LHFPL3: variants seen among roughly 807,000 people sequenced by gnomAD.
LHFPL3 encodes LHFPL tetraspan subfamily member 3 protein.
Under a neutral mutation model 19.3 loss-of-function variants are expected in LHFPL3, and 5 were observed. The ratio of observed to expected loss-of-function variants is 0.26; its 90% CI spans 0.14 to 0.54. The LOEUF is 0.54. Among genes scored for constraint, LHFPL3 ranks in the 20% least tolerant of loss-of-function variants. LHFPL3 has a pLI of 0.94. For missense variants in LHFPL3, 249 were observed against 307.4 expected (o/e 0.81, Z 1.42); for synonymous variants, 133 against 126.2 (o/e 1.05, Z -0.36).
At chr7:104,437,772 C>A (rs1214061619) in intron 1 of LHFPL3, among the ~76,000 whole-genome samples, 1 of 152,110 alleles carries the variant, frequency 6.6e-6, no homozygotes. Flanking sequence ...TGGGGGCCTG[C>A]CCTCAGCACC....
At chr7:104,566,114 G>A (rs1056446769) in intron 1 of LHFPL3, among the ~76,000 whole-genome samples, 5 of 152,084 alleles carry the variant, frequency 3.3e-5, no homozygotes, top group Admixed American at 1.3e-4. Flanking sequence ...TTGGGAGGTC[G>A]GGGTGGGAGG....
rs1794631222 is a variant in LHFPL3, at chr7:104,549,523, A to G, written c.446-187152A>G. On this transcript the variant is annotated intron_variant, in intron 1 of 2. Transcript: ENST00000424859. The stretch of plus-strand genomic sequence containing the variant: ...TACACTGCATTATAATTTGCTATGC[A>G]CTTCCTCTACCCAAATATGTGTTGG... Among the ~76,000 whole-genome samples, 4 of 151,282 alleles carry G rather than the reference A, an allele frequency of 2.6e-5. No homozygotes were observed. In the South Asian group the frequency reaches 6.3e-4, roughly 24 times the overall value.
chr7:104,616,978 G>A (rs1462595805), intron 1 of LHFPL3, among the ~76,000 whole-genome samples: 2 of 152,014 alleles, frequency 1.3e-5, no homozygotes, highest in Non-Finnish European at 2.9e-5. Context: ...TTAGAATGGC[G>A]ATCATTAAAA....
intron 1 of LHFPL3, among the ~76,000 whole-genome samples, chr7:104,500,574 C>G (rs1793581614): frequency 6.6e-6 from 1 of 152,182 alleles, no homozygotes; most frequent in Non-Finnish European, 1.5e-5. Context: ...CTCATCTCCT[C>G]TCTCCCAGTT....
At chr7:104,638,934 T>C (rs1378235914) in intron 1 of LHFPL3, among the ~76,000 whole-genome samples, 1 of 147,418 alleles carries the variant, frequency 6.8e-6, no homozygotes, top group Non-Finnish European at 1.5e-5. Flanking sequence ...CACCCAGCAT[T>C]TTTTTTTTTT....
intron 1 of LHFPL3, among the ~76,000 whole-genome samples, chr7:104,505,013 C>T (rs1045487873): frequency 2.7e-5 from 4 of 150,760 alleles, no homozygotes; most frequent in South Asian, 2.1e-4. Context: ...TATATACATG[C>T]ATATACTGTG....
rs1413829585 is a variant in LHFPL3, at chr7:104,440,051, T to C, written c.445+110827T>C. 4.2e-5 allele frequency among the ~76,000 whole-genome samples: 6 copies of C among 141,818 alleles called. No homozygotes were observed. In the East Asian group the frequency reaches 1.3e-3, roughly 30 times the overall value. The allele number at this position is 141,818 out of a possible 152,430, so 93.0% of individuals were successfully genotyped here. A position where few individuals can be genotyped will look rare whatever the true frequency, so the allele number is the denominator to read the frequency against. On this transcript the variant is annotated intron_variant, in intron 1 of 2. Transcript: ENST00000424859. The stretch of plus-strand genomic sequence containing the variant: ...TACAAAGCCTGGGGGGGGGGAGGGA[T>C]AGCATTAGGAGATATACCCAATGCT...
chr7:104,578,110 T>C (rs1370071023), intron 1 of LHFPL3, among the ~76,000 whole-genome samples: 1 of 152,198 alleles, frequency 6.6e-6, no homozygotes, highest in Non-Finnish European at 1.5e-5. Flanking sequence ...CTTATATTGG[T>C]TGTGTCCCAT....
chr7:104,882,311 G>A (rs2116685966), intron 2 of LHFPL3, among the ~76,000 whole-genome samples: 1 of 152,212 alleles, frequency 6.6e-6, no homozygotes, highest in Middle Eastern at 3.4e-3. Flanking sequence ...GCAGTGGCAT[G>A]ATCTCAGCTC....
At chr7:104,595,231 A>G (rs1790822621) in intron 1 of LHFPL3, among the ~76,000 whole-genome samples, 2 of 152,086 alleles carry the variant, frequency 1.3e-5, no homozygotes, top group South Asian at 2.1e-4. Flanking sequence ...TTTGGTGTAG[A>G]TGACCTTTTT....
At chr7:104,686,327 C>T (rs112913574) in intron 1 of LHFPL3, among the ~76,000 whole-genome samples, 5 of 152,158 alleles carry the variant, frequency 3.3e-5, no homozygotes, top group South Asian at 4.2e-4. Context: ...TGAAATCATA[C>T]TTAACAGGAG....
intron 2 of LHFPL3, among the ~76,000 whole-genome samples, chr7:104,885,911 C>T (rs1792138631): frequency 6.6e-6 from 1 of 152,162 alleles, no homozygotes; most frequent in Non-Finnish European, 1.5e-5. Context: ...GCCCTGGCTC[C>T]CCTGCTATTT....
chr7:104,811,029 T>G (rs1489731947), intron 2 of LHFPL3, among the ~76,000 whole-genome samples: 1 of 152,238 alleles, frequency 6.6e-6, no homozygotes, highest in Non-Finnish European at 1.5e-5. Flanking sequence ...GCTCCAGATG[T>G]GTTAGAACTG....
chr7:104,896,873 G>C (rs1408519267), intron 2 of LHFPL3, among the ~76,000 whole-genome samples: 1 of 152,150 alleles, frequency 6.6e-6, no homozygotes, highest in Non-Finnish European at 1.5e-5. Flanking sequence ...ATCACTTGAG[G>C]TCAGGAGTTC....
At chr7:104,632,045 T>C (rs889551371) in intron 1 of LHFPL3, among the ~76,000 whole-genome samples, 5 of 152,192 alleles carry the variant, frequency 3.3e-5, no homozygotes, top group Admixed American at 6.5e-5. Context: ...CAGATTTCTT[T>C]GGGCTTCCTT....
intron 2 of LHFPL3, among the ~76,000 whole-genome samples, chr7:104,861,430 T>C (rs1791617253): frequency 6.6e-6 from 1 of 152,192 alleles, no homozygotes; most frequent in African/African-American, 2.4e-5. Flanking sequence ...AGGAGACAGA[T>C]GGCACCTTCA....
intron 1 of LHFPL3, among the ~76,000 whole-genome samples, chr7:104,519,779 G>C (rs1280451443): frequency 2.6e-5 from 4 of 152,124 alleles, no homozygotes; most frequent in Non-Finnish European, 5.9e-5. Flanking sequence ...CAAGCCAGCT[G>C]TGTACAAACA....
chr7:104,389,506 A>G (rs1448847002), intron 1 of LHFPL3, among the ~76,000 whole-genome samples: 2 of 152,188 alleles, frequency 1.3e-5, no homozygotes, highest in African/African-American at 4.8e-5. Context: ...TGTGGAAATC[A>G]ACAAGTTGAT....
chr7:104,792,277 G>A (rs535828594), intron 2 of LHFPL3, among the ~76,000 whole-genome samples: 2 of 152,062 alleles, frequency 1.3e-5, no homozygotes, highest in Non-Finnish European at 2.9e-5. Flanking sequence ...CTAGAATGTT[G>A]ACAGCCAATA....
Sources: allele counts gnomAD v4.1 joint callset (sites outside exome capture counted in the v4.1 genomes callset), GRCh38; gene constraint gnomAD v4.1.1; transcripts MANE v1.5; gene names NCBI Gene and HGNC (gene_info 2026-07-23, HGNC 2026-07-21).